The following PIK3IP1 variants were observed in gnomAD, a reference collection of about 807,000 sequenced individuals.
PIK3IP1 encodes phosphoinositide-3-kinase interacting protein 1, also known as phosphoinositide-3-kinase-interacting protein 1.
PIK3IP1 carries 28 observed loss-of-function variants against 30.7 expected under a neutral mutation model. That is an observed-to-expected ratio of 0.91 (90% confidence interval 0.68 to 1.25). The LOEUF (loss-of-function observed/expected upper bound fraction) is 1.25. PIK3IP1 is among the 50% of genes most tolerant of loss of function. The probability of loss-of-function intolerance (pLI) is 0.00; values close to 1 mark genes in which losing one functional copy is unlikely to be tolerated. For missense variants in PIK3IP1, 333 were observed against 346.2 expected, an observed-to-expected ratio of 0.96 and a Z score of 0.30; for synonymous variants, 159 against 140.8, an observed-to-expected ratio of 1.13 and a Z score of -0.91.
In PIK3IP1 at chr22:31,282,826, A is replaced by T. The variant is rs567545682; in HGVS notation, c.*258T>A. ...TTTGGAAGCCCTTAGCAGCAGCATC[A>T]CTGTGGGAGCTGCCACTGTCTCCAT... On this transcript the variant is annotated 3_prime_UTR_variant, in exon 6 of 6. Transcript: ENST00000215912. 6 of 453,340 alleles carry T rather than the reference A, an allele frequency of 1.3e-5. No homozygotes were observed. The East Asian group carries it at 2.3e-4, about 18-fold the overall frequency. 28.1% of individuals were successfully genotyped at this position (453,340 alleles called of 1,614,324 possible). A position where few individuals can be genotyped will look rare whatever the true frequency, so the allele number is the denominator to read the frequency against.
chr22:31,290,418 T>C (rs1285839654), intron 3 of PIK3IP1: 1 of 152,436 alleles, frequency 6.6e-6, no homozygotes, highest in Non-Finnish European at 1.5e-5. Flanking sequence ...ATAAATGCTT[T>C]ATTTTGATTA....
chr22:31,292,409 G>A lies in PIK3IP1; in HGVS notation c.-65C>T, dbSNP rs749779366. The A allele has an allele frequency of 6.8e-7, 1 of 1,462,144 alleles. No individual in the cohort carries two copies. Among genetic ancestry groups the A allele is most frequent in the Non-Finnish European group, 9.6e-7 (1 of 1,042,398 alleles). The allele number at this position is 1,462,144 out of a possible 1,614,324, so 90.6% of individuals were successfully genotyped here. ...GTTTAACCGAGGCCCCCTTGGCGGC[G>A]GCTCTGCCTCCCAGTCCCAGCCTTG... On this transcript the variant is annotated 5_prime_UTR_variant, in exon 1 of 6. Transcript: ENST00000215912.
intron 5 of PIK3IP1, among the ~76,000 whole-genome samples, chr22:31,285,270 C>A (rs1411707365): frequency 6.6e-6 from 1 of 152,122 alleles, no homozygotes; most frequent in East Asian, 1.9e-4. Context: ...TTATTTCCTG[C>A]TTTCTTAATA....
Position 31,291,245 on chromosome 22 carries a change from G to T in PIK3IP1, c.122C>A (p.Ala41Glu). 1 of 1,552,336 alleles carries T rather than the reference G, an allele frequency of 6.4e-7. No homozygotes were observed. The highest frequency in any genetic ancestry group is 8.7e-7 in the Non-Finnish European group (1 of 1,148,272). ...CCAGTTGAGGCAGCGGAGGCCCGGC[G>T]CGGGGGAGGTCTGGTCCTCCCGGTA... ...HLYREDQTSP[A>E]PGLRCLNWLD... Residue 41 changes from alanine to glutamate, a missense_variant, in exon 2 of 6, where the codon GCG becomes GAG. Physicochemically the swap from Ala to Glu is moderately radical, Grantham distance 107. Coordinates refer to ENST00000215912, the MANE Select transcript of PIK3IP1 (RefSeq NM_052880.5).
In PIK3IP1 at chr22:31,292,349, G is replaced by C. The variant is rs757478863; in HGVS notation, c.-5C>G. Reference sequence around the variant, plus strand: ...TTGTACCCAGGCCAACAGCATCCTTGCCTCCTTCGTCTTGCAGGTGATTGA... The same window carrying C: ...TTGTACCCAGGCCAACAGCATCCTTCCCTCCTTCGTCTTGCAGGTGATTGA... On this transcript the variant is annotated 5_prime_UTR_variant, in exon 1 of 6. Coordinates refer to ENST00000215912, the MANE Select transcript of PIK3IP1 (RefSeq NM_052880.5). 6.2e-7 allele frequency: 1 copy of C among 1,613,906 alleles called. No individual in the cohort carries two copies. The highest frequency in any genetic ancestry group is 1.3e-5 in the African/African-American group (1 of 74,946).
chr22:31,291,333 G>C, intron 1 of PIK3IP1, 37 bp from the exon 2 acceptor site: 1 of 1,539,408 alleles, frequency 6.5e-7, no homozygotes, highest in Non-Finnish European at 8.8e-7. Flanking sequence ...CAGAATAGCG[G>C]GCAGCGAACG....
rs531559013 is a variant in PIK3IP1 at position 31,282,175 on chromosome 22, G to A, written c.*909C>T. 2 of 152,012 alleles carry A rather than the reference G, an allele frequency of 1.3e-5. No individual in the cohort carries two copies. Among genetic ancestry groups the A allele is most frequent in the African/African-American group, 4.8e-5 (2 of 41,488 alleles). 9.4% of individuals were successfully genotyped at this position (152,012 alleles called of 1,614,324 possible). ...CTGCTAAATCAGGCCCACTTGGGGA[G>A]CAAGCCCTGAAGTGCTTTATTACCT... On this transcript the variant is annotated 3_prime_UTR_variant, in exon 6 of 6. Coordinates refer to ENST00000215912, the MANE Select transcript of PIK3IP1 (RefSeq NM_052880.5).
intron 2 of PIK3IP1, 23 bp downstream of exon 2, chr22:31,291,157 G>A (rs1371197220): frequency 6.5e-7 from 1 of 1,538,560 alleles, no homozygotes; most frequent in South Asian, 1.2e-5. Context: ...CAGCCCCGGG[G>A]CCGTCCCCCG....
At position 31,292,257 on chromosome 22, in the gene PIK3IP1, G is replaced by A. The variant is rs1253755563; in HGVS notation, c.70+18C>T. Reference sequence around the variant, plus strand: ...TGTTTCATGAAGTTGCTGCGGAAAGGAAAGATTGTAATCTCACCTCCAGAT... The same window carrying A: ...TGTTTCATGAAGTTGCTGCGGAAAGAAAAGATTGTAATCTCACCTCCAGAT... On this transcript the variant is annotated intron_variant, in intron 1 of 5. Transcript: ENST00000215912. 4 of 1,612,716 alleles carry A rather than the reference G, an allele frequency of 2.5e-6. No individual in the cohort carries two copies. In the African/African-American group the frequency reaches 5.3e-5, roughly 22 times the overall value.
rs1372921274 is a variant in PIK3IP1 at position 31,282,062 on chromosome 22, GTTCT to G, written c.*1018_*1021del. 1 of 152,222 alleles carries G rather than the reference GTTCT, an allele frequency of 6.6e-6. No homozygotes were observed. Among genetic ancestry groups the G allele is most frequent in the African/African-American group, 2.4e-5 (1 of 41,452 alleles). 9.4% of individuals were successfully genotyped at this position (152,222 alleles called of 1,614,324 possible). ...AAGGCTTAATGAGCCCTTTCTAATG[GTTCT>G]TTGATTGCTTTATGAGTTAGGGGCT... On this transcript the variant is annotated 3_prime_UTR_variant, in exon 6 of 6. Coordinates refer to ENST00000215912, the MANE Select transcript of PIK3IP1 (RefSeq NM_052880.5).
Position 31,290,988 on chromosome 22 carries a change from G to T in PIK3IP1, c.284C>A (p.Pro95His), listed in dbSNP as rs1475467777. 9 of 1,605,844 alleles carry T rather than the reference G, an allele frequency of 5.6e-6. No individual in the cohort carries two copies. Among genetic ancestry groups the T allele is most frequent in the Non-Finnish European group, 1.7e-6 (2 of 1,176,978 alleles). Residue 95 changes from proline to histidine, a missense_variant, in exon 3 of 6, where the codon CCT (proline) becomes CAT (histidine). By Grantham distance (77) the Pro-to-His change is moderately conservative. Around this residue, in one of 3 missense-constraint regions of PIK3IP1, gnomAD observed 217 missense variants for 227.7 expected, o/e 0.95. Transcript: ENST00000215912. ...ACCTGGACAGCGCAGGTCCTCGCAA[G>T]GCCGTTTCTCAGGGACGCCGGCCTC... is the stretch of plus-strand genomic sequence containing the variant. ...SGEAGVPEKR[P>H]CEDLRCPETT...
chr22:31,290,990 C>T lies in PIK3IP1; in HGVS notation c.282G>A (p.Arg94=). The T allele has an allele frequency of 6.2e-7, 1 of 1,605,648 alleles. No homozygotes were observed. Among genetic ancestry groups the T allele is most frequent in the Non-Finnish European group, 8.5e-7 (1 of 1,176,834 alleles). The change falls in exon 3 of 6, where the codon CGG becomes CGA. Residue 94 remains arginine, a synonymous_variant. Coordinates refer to ENST00000215912, the MANE Select transcript of PIK3IP1 (RefSeq NM_052880.5). The part of the protein sequence containing the change: ...VSGEAGVPEK[R]PCEDLRCPET... ...CTGGACAGCGCAGGTCCTCGCAAGG[C>T]CGTTTCTCAGGGACGCCGGCCTCGC...
Position 31,282,619 on chromosome 22 carries a change from A to T in PIK3IP1, c.*465T>A, listed in dbSNP as rs1282755591. 1 of 156,888 alleles carries T rather than the reference A, an allele frequency of 6.4e-6. No homozygotes were observed. Among genetic ancestry groups the T allele is most frequent in the East Asian group, 1.8e-4 (1 of 5,478 alleles). 9.7% of individuals were successfully genotyped at this position (156,888 alleles called of 1,614,324 possible). A position where few individuals can be genotyped will look rare whatever the true frequency, so the allele number is the denominator to read the frequency against. ...AGGTCAGTAGGGAGTTCCATCCCAAATATTTTAAAAACTAAATATATTTTT... is the reference window on the plus strand; with the variant it reads ...AGGTCAGTAGGGAGTTCCATCCCAATTATTTTAAAAACTAAATATATTTTT... On this transcript the variant is annotated 3_prime_UTR_variant, in exon 6 of 6. Coordinates refer to ENST00000215912, the MANE Select transcript of PIK3IP1 (RefSeq NM_052880.5).
intron 5 of PIK3IP1, 93 bp downstream of exon 5, chr22:31,289,222 T>C: frequency 7.9e-7 from 1 of 1,264,284 alleles, no homozygotes; most frequent in Non-Finnish European, 1.1e-6. Flanking sequence ...ATTTTCAACA[T>C]CTTGCTTCCT....
At chr22:31,283,824 A>G (rs558522244) in intron 5 of PIK3IP1, among the ~76,000 whole-genome samples, 1 of 152,258 alleles carries the variant, frequency 6.6e-6, no homozygotes, top group Admixed American at 6.5e-5. Flanking sequence ...GTTGTCCAGA[A>G]AACTGACCTG....
In PIK3IP1 at chr22:31,289,607, C is replaced by A. The variant is rs1363320929; in HGVS notation, c.400G>T (p.Ala134Ser). ...TCACTCCGAGCGGGCAGGGCGTTGGCAGGAGCGAACACCTGCACCTCATCT... is the reference window on the plus strand; with the variant it reads ...TCACTCCGAGCGGGCAGGGCGTTGGAAGGAGCGAACACCTGCACCTCATCT... The part of the protein sequence containing the change: ...GADEVQVFAP[A>S]NALPARSEAA... Residue 134 changes from alanine to serine, a missense_variant, in exon 4 of 6, where the codon GCC becomes TCC. Transcript: ENST00000215912. The A allele has an allele frequency of 6.4e-7, 1 of 1,558,290 alleles. No homozygotes were observed. The highest frequency in any genetic ancestry group is 1.4e-5 in the African/African-American group (1 of 74,032).
chr22:31,288,434 G>GGGAA (rs2049148017), intron 5 of PIK3IP1, among the ~76,000 whole-genome samples: 1 of 125,272 alleles, frequency 8.0e-6, no homozygotes, highest in East Asian at 2.0e-4. Flanking sequence ...GAGGGAGGGA[G>GGGAA]GGAGGAAAGG....
At chr22:31,290,819 C>T in intron 3 of PIK3IP1, 146 bp downstream of exon 3, 1 of 1,219,722 alleles carries the variant, frequency 8.2e-7, no homozygotes, top group Non-Finnish European at 1.1e-6. Flanking sequence ...TTGAGCCCCG[C>T]GGCCTGGAGA....
At chr22:31,286,992 G>A (rs920386237) in intron 5 of PIK3IP1, among the ~76,000 whole-genome samples, 1 of 146,438 alleles carries the variant, frequency 6.8e-6, no homozygotes, top group Non-Finnish European at 1.5e-5. Flanking sequence ...TAAGAAATCA[G>A]AGAGTACTAG....
Sources: allele counts gnomAD v4.1 joint callset (sites outside exome capture counted in the v4.1 genomes callset), GRCh38; gene constraint gnomAD v4.1.1; regional missense constraint gnomAD v4.1.1; transcripts MANE v1.5; gene names NCBI Gene and HGNC (gene_info 2026-07-23, HGNC 2026-07-21).